ZNF385D: variants seen among roughly 807,000 people sequenced by gnomAD.
ZNF385D encodes the protein zinc finger protein 659.
A neutral mutation model predicts 35.8 loss-of-function variants in ZNF385D; 15 were observed. That is an observed-to-expected ratio of 0.42 (90% CI 0.28 to 0.64). The LOEUF (loss-of-function observed/expected upper bound fraction) is 0.64. Ranked by LOEUF, ZNF385D falls within the 30% of genes least tolerant of loss-of-function variation. The probability of loss-of-function intolerance (pLI) is 0.23; values close to 1 mark genes in which losing one functional copy is unlikely to be tolerated. For missense variants in ZNF385D, 474 were observed against 494.6 expected (o/e 0.96, Z 0.39); for synonymous variants, 212 against 186.8 (o/e 1.13, Z -1.10).
chr3:22,230,758 T>G (rs1230207430), intron 2 of ZNF385D, among the ~76,000 whole-genome samples: 1 of 152,148 alleles, frequency 6.6e-6, no homozygotes, highest in Non-Finnish European at 1.5e-5. Flanking sequence ...GAAAAGTTTA[T>G]AGAGGAGTTT....
At chr3:22,105,130 T>C (rs1015422268) in intron 3 of ZNF385D, among the ~76,000 whole-genome samples, 5 of 152,170 alleles carry the variant, frequency 3.3e-5, no homozygotes, top group East Asian at 3.9e-4. Context: ...AATGTACTTA[T>C]CTATTTACAT....
chr3:22,097,016 G>C (rs761094970), intron 3 of ZNF385D, among the ~76,000 whole-genome samples: 1 of 152,064 alleles, frequency 6.6e-6, no homozygotes, highest in Non-Finnish European at 1.5e-5. Flanking sequence ...CTGTAAGCAA[G>C]CTCAAGCATC....
chr3:21,651,223 G>A (rs1157108545), intron 2 of ZNF385D, among the ~76,000 whole-genome samples: 1 of 146,832 alleles, frequency 6.8e-6, no homozygotes, highest in Non-Finnish European at 1.5e-5. Context: ...GGGAGGTGGA[G>A]CTTGCAGTGA....
At chr3:21,807,371 A>G (rs2072699745) in intron 3 of ZNF385D, among the ~76,000 whole-genome samples, 1 of 152,144 alleles carries the variant, frequency 6.6e-6, no homozygotes, top group Non-Finnish European at 1.5e-5. Flanking sequence ...ATGAAGATAA[A>G]GTTACTCTAA....
chr3:21,900,925 C>A (rs1308085210), intron 3 of ZNF385D, among the ~76,000 whole-genome samples: 1 of 152,098 alleles, frequency 6.6e-6, no homozygotes, highest in Non-Finnish European at 1.5e-5. Context: ...ACTATAATCT[C>A]CACTTTATAG....
chr3:21,855,012 C>T (rs1052008316), intron 3 of ZNF385D, among the ~76,000 whole-genome samples: 1 of 151,848 alleles, frequency 6.6e-6, no homozygotes, highest in Admixed American at 6.6e-5. Context: ...CACATCTATA[C>T]AACATGATTT....
chr3:22,344,845 A>G (rs1228323810), intron 2 of ZNF385D, among the ~76,000 whole-genome samples: 1 of 152,204 alleles, frequency 6.6e-6, no homozygotes, highest in Non-Finnish European at 1.5e-5. Flanking sequence ...TTGTAGGTCT[A>G]TGATTTGATT....
In ZNF385D at chr3:21,717,089, C is replaced by T. The variant is rs551229405; in HGVS notation, c.22+33806G>A. Among the ~76,000 whole-genome samples, 56 of 152,232 alleles carry T rather than the reference C, an allele frequency of 3.7e-4. 1 individual carries two copies. In the South Asian group the frequency reaches 7.9e-3, roughly 21 times the overall value. On this transcript the variant is annotated intron_variant, in intron 1 of 7. Transcript: ENST00000281523. Reference sequence around the variant, plus strand: ...TGGAGGTTGCAGAGAGCCAAGATTGCGCCACTGCACTCCAACCTGGCAACG... The same window carrying T: ...TGGAGGTTGCAGAGAGCCAAGATTGTGCCACTGCACTCCAACCTGGCAACG...
intron 3 of ZNF385D, among the ~76,000 whole-genome samples, chr3:22,027,245 A>G (rs1697616548): frequency 6.6e-6 from 1 of 152,184 alleles, no homozygotes; most frequent in African/African-American, 2.4e-5. Context: ...GAGGCAACAC[A>G]TTCCTCATTT....
intron 2 of ZNF385D, among the ~76,000 whole-genome samples, chr3:22,338,987 C>T (rs1695300817): frequency 6.6e-6 from 1 of 151,912 alleles, no homozygotes; most frequent in Admixed American, 6.6e-5. Flanking sequence ...AGGTGTGAGC[C>T]ACCACACCTG....
At chr3:22,171,437 G>C (rs527979559) in intron 2 of ZNF385D, among the ~76,000 whole-genome samples, 3 of 152,206 alleles carry the variant, frequency 2.0e-5, no homozygotes, top group Middle Eastern at 6.8e-3. Context: ...AGAAAATAAA[G>C]ACTATATTAT....
chr3:21,981,649 C>A (rs929870757), intron 3 of ZNF385D, among the ~76,000 whole-genome samples: 4 of 152,062 alleles, frequency 2.6e-5, no homozygotes, highest in Admixed American at 2.6e-4. Context: ...TTCCTATGTC[C>A]AGGGTGGTAT....
chr3:22,131,821 A>G (rs1703812119), intron 3 of ZNF385D, among the ~76,000 whole-genome samples: 1 of 152,184 alleles, frequency 6.6e-6, no homozygotes, highest in African/African-American at 2.4e-5. Context: ...CCTTAAGGGA[A>G]AGTATGAAAG....
rs1700656682 is a variant in ZNF385D at position 21,419,670 on chromosome 3, A to G, written c.*1544T>C. The G allele has an allele frequency of 6.6e-6, 1 of 152,150 alleles. No homozygotes were observed. The highest frequency in any genetic ancestry group is 1.5e-5 in the Non-Finnish European group (1 of 68,008). The allele number at this position is 152,150 out of a possible 1,614,324, so 9.4% of individuals were successfully genotyped here. On this transcript the variant is annotated 3_prime_UTR_variant, in exon 8 of 8. Coordinates refer to ENST00000281523, the MANE Select transcript of ZNF385D (RefSeq NM_024697.3). Reference sequence around the variant, plus strand: ...GGCTGCATCAAACCCCACCATTTTGATAGGTATATGTCAGCTTTCTATGGG... The same window carrying G: ...GGCTGCATCAAACCCCACCATTTTGGTAGGTATATGTCAGCTTTCTATGGG...
chr3:21,705,000 C>G (rs746115488), intron 1 of ZNF385D, among the ~76,000 whole-genome samples: 7 of 152,120 alleles, frequency 4.6e-5, no homozygotes, highest in Non-Finnish European at 1.0e-4. Context: ...CCCAAGTCAT[C>G]TGTAAGGGGC....
At chr3:22,069,237 G>C (rs950790023) in intron 3 of ZNF385D, among the ~76,000 whole-genome samples, 1 of 152,176 alleles carries the variant, frequency 6.6e-6, no homozygotes, top group African/African-American at 2.4e-5. Flanking sequence ...ACAGTGACTG[G>C]CTCAGGGTGA....
Position 21,881,846 on chromosome 3 carries a change from C to A in ZNF385D, c.326-216818G>T, listed in dbSNP as rs910110260. Among the ~76,000 whole-genome samples, 8 of 152,084 alleles carry A rather than the reference C, an allele frequency of 5.3e-5. No homozygotes were observed. In the East Asian group the frequency reaches 1.5e-3, roughly 29 times the overall value. On this transcript the variant is annotated intron_variant, in intron 3 of 5. Transcript: ENST00000494108. ...AATTTGGAAAAAGTTGATTCCAACC[C>A]TCATGGATGACTGAGCACTTCAAGA...
intron 2 of ZNF385D, among the ~76,000 whole-genome samples, chr3:21,621,844 G>T (rs1455705074): frequency 6.9e-6 from 1 of 144,458 alleles, no homozygotes. Context: ...AATTTGAAGT[G>T]TTCCTTCCAA....
In ZNF385D at chr3:21,815,752, C is replaced by A. The variant is rs981656727; in HGVS notation, c.326-150724G>T. Among the ~76,000 whole-genome samples the A allele has an allele frequency of 4.6e-5, 7 of 152,184 alleles. 1 individual carries two copies. The South Asian group carries it at 1.0e-3, about 22-fold the overall frequency. On this transcript the variant is annotated intron_variant, in intron 3 of 5. Coordinates refer to the ZNF385D transcript ENST00000494108. ...TCACAGCTGAATTCTACCAGAGGTA[C>A]AAAGCGGAGCTGGTACCATTCCTTC...
Sources: allele counts gnomAD v4.1 joint callset (sites outside exome capture counted in the v4.1 genomes callset), GRCh38; gene constraint gnomAD v4.1.1; transcripts MANE v1.5; gene names NCBI Gene and HGNC (gene_info 2026-07-23, HGNC 2026-07-21).